SCARA3: variants seen among roughly 807,000 people sequenced by gnomAD.
The protein encoded by SCARA3 is cellular stress response gene protein.
A neutral mutation model predicts 47.0 loss-of-function variants in SCARA3; 39 were observed. That is an observed-to-expected ratio of 0.83 (90% confidence interval 0.64 to 1.08). The LOEUF (loss-of-function observed/expected upper bound fraction) is 1.08, where lower values mean the gene tolerates loss of function less well. Ranked by LOEUF, SCARA3 falls within the 50% of genes least tolerant of loss-of-function variation. SCARA3 has a pLI of 0.00. For synonymous variants in SCARA3, 356 were observed against 334.1 expected (o/e 1.07, Z -0.71); for missense variants, 724 against 792.3 (o/e 0.91, Z 1.04).
the SCARA3 span, among the ~76,000 whole-genome samples, chr8:27,718,895 A>G: frequency 6.6e-6 from 1 of 152,212 alleles, no homozygotes; most frequent in Non-Finnish European, 1.5e-5. Context: ...AAAGTGAAAA[A>G]ACAATGATCA....
chr8:27,696,165 A>G, the SCARA3 span, among the ~76,000 whole-genome samples: 2 of 152,008 alleles, frequency 1.3e-5, no homozygotes, highest in Non-Finnish European at 1.5e-5. Flanking sequence ...ACATGCCACC[A>G]TGCCTGGCTA....
At chr8:27,654,705 A>G (rs1001928194) in intron 3 of SCARA3, among the ~76,000 whole-genome samples, 30 of 151,948 alleles carry the variant, frequency 2.0e-4, no homozygotes, top group African/African-American at 7.0e-4. Context: ...TGGGATGATC[A>G]CTTGAGCCCA....
At chr8:27,716,256 T>C in the SCARA3 span, among the ~76,000 whole-genome samples, 1 of 152,072 alleles carries the variant, frequency 6.6e-6, no homozygotes, top group Admixed American at 6.5e-5. Flanking sequence ...GAGGCTGCAG[T>C]GAGCTGTGAT....
the SCARA3 span, among the ~76,000 whole-genome samples, chr8:27,717,286 G>A: frequency 6.6e-6 from 1 of 152,146 alleles, no homozygotes; most frequent in South Asian, 2.1e-4. Flanking sequence ...ATACAGATGT[G>A]GGTATAGCTA....
the SCARA3 span, among the ~76,000 whole-genome samples, chr8:27,685,254 A>G: frequency 6.6e-6 from 1 of 152,240 alleles, no homozygotes; most frequent in Non-Finnish European, 1.5e-5. Flanking sequence ...AACTGACTTA[A>G]TAAGTAGAAA....
the SCARA3 span, among the ~76,000 whole-genome samples, chr8:27,722,419 T>TA: frequency 2.0e-5 from 3 of 151,882 alleles, no homozygotes; most frequent in Non-Finnish European, 4.4e-5. Flanking sequence ...TCTGCATCTA[T>TA]AAAAAAAGAG....
At chr8:27,657,477 C>G (rs1275920636) in intron 4 of SCARA3, among the ~76,000 whole-genome samples, 1 of 141,562 alleles carries the variant, frequency 7.1e-6, no homozygotes, top group Admixed American at 7.2e-5. Flanking sequence ...CCCCCTCCCT[C>G]CTCTCCCATC....
At chr8:27,690,718 C>T in the SCARA3 span, among the ~76,000 whole-genome samples, 1 of 151,856 alleles carries the variant, frequency 6.6e-6, no homozygotes, top group African/African-American at 2.4e-5. Flanking sequence ...TTTTATAAGA[C>T]AGGGTCTCGT....
chr8:27,703,704 C>G, the SCARA3 span: 1 of 152,116 alleles, frequency 6.6e-6, no homozygotes. Context: ...GAAAGAATCT[C>G]CTAGGAGGTT....
At chr8:27,678,454 C>A (rs1802310737), downstream of SCARA3, among the ~76,000 whole-genome samples, 1 of 152,132 alleles carries the variant, frequency 6.6e-6, no homozygotes. Context: ...TTAAAGAATA[C>A]AAACAACCAC....
chr8:27,706,520 T>C, the SCARA3 span, among the ~76,000 whole-genome samples: 2 of 152,094 alleles, frequency 1.3e-5, no homozygotes, highest in African/African-American at 2.4e-5. Flanking sequence ...GGGAATGAGA[T>C]GATCAGATTT....
At chr8:27,706,223 C>G in the SCARA3 span, among the ~76,000 whole-genome samples, 1 of 152,152 alleles carries the variant, frequency 6.6e-6, no homozygotes, top group South Asian at 2.1e-4. Flanking sequence ...ATGATCTTGG[C>G]TCACTCACTG....
intron 3 of SCARA3, 56 bp downstream of exon 3, chr8:27,651,683 AG>A: frequency 6.3e-7 from 1 of 1,597,856 alleles, no homozygotes. Context: ...TCAGGGATCC[AG>A]CACCAAAAGT....
the SCARA3 span, among the ~76,000 whole-genome samples, chr8:27,710,307 A>G: frequency 6.6e-6 from 1 of 151,728 alleles, no homozygotes; most frequent in Admixed American, 6.6e-5. Context: ...CAATATCTTT[A>G]TAGTGTGGGG....
the SCARA3 span, among the ~76,000 whole-genome samples, chr8:27,717,319 T>C: frequency 2.6e-5 from 4 of 151,754 alleles, no homozygotes; most frequent in East Asian, 1.9e-4. Flanking sequence ...TAGCTATAGA[T>C]GTTGATGCTG....
the SCARA3 span, among the ~76,000 whole-genome samples, chr8:27,714,313 G>A: frequency 2.0e-5 from 3 of 149,150 alleles, no homozygotes; most frequent in Non-Finnish European, 3.0e-5. Context: ...CTCTGCCTCA[G>A]CCTCCCAAGT....
chr8:27,642,728 G>A (rs1031794133), intron 1 of SCARA3, among the ~76,000 whole-genome samples: 2 of 152,228 alleles, frequency 1.3e-5, no homozygotes, highest in African/African-American at 4.8e-5. Flanking sequence ...GGAGGCTGAG[G>A]TGGGAGGATC....
the SCARA3 span, among the ~76,000 whole-genome samples, chr8:27,685,690 C>T: frequency 5.9e-4 from 90 of 152,244 alleles, no homozygotes; most frequent in African/African-American, 2.0e-3. Flanking sequence ...GACCTGCCCC[C>T]GTTATGATGC....
the SCARA3 span, among the ~76,000 whole-genome samples, chr8:27,693,876 G>A: frequency 1.3e-5 from 2 of 152,150 alleles, no homozygotes; most frequent in African/African-American, 2.4e-5. Context: ...CTATGACCTG[G>A]AAGCCCCTCC....
Sources: gnomAD v4.1 joint callset for allele counts (sites outside exome capture counted in the v4.1 genomes callset) on GRCh38, gnomAD v4.1.1 for gene constraint, MANE v1.5 for transcripts, NCBI Gene and HGNC (gene_info 2026-07-23, HGNC 2026-07-21) for gene names.